The following RPS6KA5 variants were observed in gnomAD, a reference collection of about 807,000 sequenced individuals.
The protein encoded by RPS6KA5 is ribosomal protein S6 kinase A5.
RPS6KA5 carries 27 observed loss-of-function variants against 85.5 expected under a neutral mutation model. The ratio of observed to expected loss-of-function variants is 0.32; its 90% CI spans 0.23 to 0.44. The LOEUF is 0.44. Ranked by LOEUF, RPS6KA5 falls within the 20% of genes least tolerant of loss-of-function variation. The pLI is 1.00. For missense variants in RPS6KA5, 811 were observed against 980.9 expected, an observed-to-expected ratio of 0.83 and a Z score of 2.31; for synonymous variants, 334 against 348.2, an observed-to-expected ratio of 0.96 and a Z score of 0.46.
intron 2 of RPS6KA5, among the ~76,000 whole-genome samples, chr14:90,994,762 C>G (rs28522107): frequency 6.6e-6 from 1 of 150,536 alleles, no homozygotes; most frequent in African/African-American, 2.4e-5. Flanking sequence ...TTAGTAGAGA[C>G]GGGGTTTAAC....
At chr14:90,920,715 A>C (rs2036362366) in intron 6 of RPS6KA5, among the ~76,000 whole-genome samples, 1 of 151,714 alleles carries the variant, frequency 6.6e-6, no homozygotes, top group Admixed American at 6.6e-5. Flanking sequence ...AGGGTATGTT[A>C]TTTTTTCCTA....
intron 3 of RPS6KA5, among the ~76,000 whole-genome samples, chr14:90,977,426 A>G (rs942611236): frequency 1.3e-5 from 2 of 152,228 alleles, no homozygotes; most frequent in African/African-American, 4.8e-5. Context: ...CCCAAAGATC[A>G]TATATAAAGG....
Position 90,867,727 on chromosome 14 carries a change from A to G in RPS6KA5, c.*4347T>C, listed in dbSNP as rs558229676. ...GGAAAAGAAATGACTGCCAATAAAC[A>G]TTTCCTATTTTGCACTAGGGTGAAG... On this transcript the variant is annotated 3_prime_UTR_variant, in exon 17 of 17. Coordinates refer to ENST00000614987, the MANE Select transcript of RPS6KA5 (RefSeq NM_004755.4). The G allele has an allele frequency of 6.6e-6, 1 of 152,272 alleles. No individual in the cohort carries two copies. The highest frequency in any genetic ancestry group is 1.9e-4 in the East Asian group (1 of 5,186). 9.4% of individuals were successfully genotyped at this position (152,272 alleles called of 1,614,324 possible). A position where few individuals can be genotyped will look rare whatever the true frequency, so the allele number is the denominator to read the frequency against.
At chr14:90,930,918 G>T (rs1174420781) in intron 5 of RPS6KA5, among the ~76,000 whole-genome samples, 1 of 152,176 alleles carries the variant, frequency 6.6e-6, no homozygotes, top group Non-Finnish European at 1.5e-5. Flanking sequence ...GGAGAACCTG[G>T]AACTTTTTAG....
Position 90,859,959 on chromosome 14 carries a change from C to CG in RPS6KA5, c.*12114dup, listed in dbSNP as rs1566661226. The CG allele has an allele frequency of 3.1e-5, 2 of 65,098 alleles. No homozygotes were observed. The highest frequency in any genetic ancestry group is 6.1e-5 in the African/African-American group (1 of 16,296). 4.0% of individuals were successfully genotyped at this position (65,098 alleles called of 1,614,324 possible). On this transcript the variant is annotated 3_prime_UTR_variant, in exon 17 of 17. Coordinates refer to ENST00000614987, the MANE Select transcript of RPS6KA5 (RefSeq NM_004755.4). ...GGGAACATCACACGCTGGGGCCTGT[C>CG]GGGGGGTTGGGGGCTAGGGGAGGGA...
In RPS6KA5 at chr14:90,875,004, T is replaced by G. The variant is rs144272901; in HGVS notation, c.1996+197A>C. Reference sequence around the variant, plus strand: ...ATGCCAGTGGAAGTCAAGTGCTAGCTCATGTTAGAAATGTGGATACCATTA... The same window carrying G: ...ATGCCAGTGGAAGTCAAGTGCTAGCGCATGTTAGAAATGTGGATACCATTA... On this transcript the variant is annotated intron_variant, in intron 15 of 16. Coordinates refer to ENST00000614987, the MANE Select transcript of RPS6KA5 (RefSeq NM_004755.4). Among the ~76,000 whole-genome samples the G allele has an allele frequency of 7.3e-3, 1,105 of 152,294 alleles. 10 individuals are homozygous for G. The highest frequency in any genetic ancestry group is 0.025 in the African/African-American group (1,053 of 41,554).
chr14:91,003,852 G>C (rs1400600433), intron 1 of RPS6KA5, among the ~76,000 whole-genome samples: 2 of 152,134 alleles, frequency 1.3e-5, no homozygotes, highest in Non-Finnish European at 2.9e-5. Context: ...TCCACCTCAA[G>C]TTTCTGATAG....
rs540434140 is a variant in RPS6KA5, at chr14:90,850,642, T to A, written c.*21432A>T. 5 of 152,352 alleles carry A rather than the reference T, an allele frequency of 3.3e-5. No individual in the cohort carries two copies. The highest frequency in any genetic ancestry group is 1.2e-4 in the African/African-American group (5 of 41,586). The allele number at this position is 152,352 out of a possible 1,614,324, so 9.4% of individuals were successfully genotyped here. A position where few individuals can be genotyped will look rare whatever the true frequency, so the allele number is the denominator to read the frequency against. ...AGTAGTGAGGTAGCAGCCCCCACTT[T>A]CCCAAAAAGTTTTCAGGAAAAGGCT... On this transcript the variant is annotated 3_prime_UTR_variant, in exon 17 of 17. Coordinates refer to ENST00000614987, the MANE Select transcript of RPS6KA5 (RefSeq NM_004755.4).
chr14:90,984,299 T>G (rs1346557184), intron 2 of RPS6KA5, among the ~76,000 whole-genome samples: 1 of 152,248 alleles, frequency 6.6e-6, no homozygotes, highest in Admixed American at 6.5e-5. Flanking sequence ...TGGCTGATAT[T>G]TGAGACCAAA....
intron 3 of RPS6KA5, among the ~76,000 whole-genome samples, chr14:90,975,105 A>G (rs889329611): frequency 2.6e-5 from 4 of 151,858 alleles, no homozygotes; most frequent in African/African-American, 9.7e-5. Flanking sequence ...ATAAGTTTTT[A>G]TTTTCTTATT....
At chr14:90,999,217 A>G (rs1320028046) in intron 2 of RPS6KA5, among the ~76,000 whole-genome samples, 1 of 152,178 alleles carries the variant, frequency 6.6e-6, no homozygotes, top group Admixed American at 6.5e-5. Context: ...CAAAAAAACA[A>G]AAAAACAAAA....
At chr14:91,036,072 TAC>T (rs1189931310) in intron 1 of RPS6KA5, among the ~76,000 whole-genome samples, 1 of 143,498 alleles carries the variant, frequency 7.0e-6, no homozygotes, top group African/African-American at 2.6e-5. Context: ...CAGAAAAGAG[TAC>T]ACAGACATTT....
intron 3 of RPS6KA5, among the ~76,000 whole-genome samples, chr14:90,964,451 T>C (rs1346461691): frequency 2.0e-5 from 3 of 152,244 alleles, no homozygotes; most frequent in Admixed American, 2.0e-4. Context: ...GCCACCTTCA[T>C]CTAAAATGCT....
intron 1 of RPS6KA5, among the ~76,000 whole-genome samples, chr14:91,021,444 C>T (rs2041777803): frequency 6.6e-6 from 1 of 152,028 alleles, no homozygotes; most frequent in African/African-American, 2.4e-5. Context: ...AGTTCAAGAC[C>T]AGGCTGGGCA....
intron 2 of RPS6KA5, among the ~76,000 whole-genome samples, chr14:90,981,357 A>G (rs2039782056): frequency 6.6e-6 from 1 of 152,016 alleles, no homozygotes; most frequent in Non-Finnish European, 1.5e-5. Context: ...AAGTAAGATG[A>G]CTCCGAGACC....
chr14:90,976,088 T>G (rs2039553481), intron 3 of RPS6KA5, among the ~76,000 whole-genome samples: 1 of 151,838 alleles, frequency 6.6e-6, no homozygotes, highest in African/African-American at 2.4e-5. Flanking sequence ...TGTTTTCTAG[T>G]CTAATACAAA....
intron 3 of RPS6KA5, among the ~76,000 whole-genome samples, chr14:90,961,358 G>C (rs2038786814): frequency 6.6e-6 from 1 of 152,194 alleles, no homozygotes; most frequent in South Asian, 2.1e-4. Context: ...GAACGTGTCT[G>C]ACTCTGAAGA....
intron 5 of RPS6KA5, among the ~76,000 whole-genome samples, chr14:90,941,034 T>A (rs1244837422): frequency 2.6e-5 from 4 of 152,132 alleles, no homozygotes; most frequent in Non-Finnish European, 5.9e-5. Context: ...CCTCAACAAA[T>A]ATCAATGGAA....
At chr14:90,874,084 C>T (rs1416264814) in intron 15 of RPS6KA5, among the ~76,000 whole-genome samples, 1 of 152,196 alleles carries the variant, frequency 6.6e-6, no homozygotes, top group African/African-American at 2.4e-5. Flanking sequence ...ACTTCGTAAG[C>T]TCCAAATGAG....
Sources: gnomAD v4.1 joint callset for allele counts (sites outside exome capture counted in the v4.1 genomes callset) on GRCh38, gnomAD v4.1.1 for gene constraint, MANE v1.5 for transcripts, NCBI Gene and HGNC (gene_info 2026-07-23, HGNC 2026-07-21) for gene names.